Variants in GABRG3 observed in about 807,000 individuals in gnomAD.
GABRG3 encodes gamma-aminobutyric acid receptor subunit gamma-3.
A neutral mutation model predicts 48.8 loss-of-function variants in GABRG3; 25 were observed. The ratio of observed to expected loss-of-function variants is 0.51; its 90% CI spans 0.37 to 0.72. GABRG3 has a LOEUF of 0.72. Among genes scored for constraint, GABRG3 ranks in the 30% least tolerant of loss-of-function variants. The probability of loss-of-function intolerance (pLI) is 0.00; values close to 1 mark genes in which losing one functional copy is unlikely to be tolerated. For missense variants in GABRG3, 394 were observed against 577.9 expected (o/e 0.68, Z 3.26); for synonymous variants, 227 against 217.6 (o/e 1.04, Z -0.38).
In GABRG3 at chr15:27,005,272, C is replaced by T. The variant is rs557089464; in HGVS notation, c.203-21482C>T. On this transcript the variant is annotated intron_variant, in intron 2 of 9. Coordinates refer to ENST00000615808, the MANE Select transcript of GABRG3 (RefSeq NM_033223.5). ...CTGGAGTGCGGTGGTGCAATCTCGG[C>T]TCACTGCAACCTCCGCCTCCCGGGT... Among the ~76,000 whole-genome samples the T allele has an allele frequency of 5.3e-5, 8 of 152,080 alleles. No individual in the cohort carries two copies. The South Asian group carries it at 1.7e-3, about 32-fold the overall frequency.
chr15:27,110,382 T>A (rs1897526924), intron 3 of GABRG3, among the ~76,000 whole-genome samples: 1 of 152,272 alleles, frequency 6.6e-6, no homozygotes, highest in Admixed American at 6.5e-5. Context: ...TTACTGTTAT[T>A]GCTTCAAAGT....
intron 3 of GABRG3, among the ~76,000 whole-genome samples, chr15:27,114,501 T>C (rs560762729): frequency 3.9e-5 from 6 of 152,324 alleles, no homozygotes; most frequent in African/African-American, 1.4e-4. Context: ...CCATAACACA[T>C]GCATAACAGT....
intron 2 of GABRG3, among the ~76,000 whole-genome samples, chr15:26,992,461 T>C (rs1372413129): frequency 1.3e-5 from 2 of 152,204 alleles, no homozygotes; most frequent in Admixed American, 1.3e-4. Flanking sequence ...TATCAAATGC[T>C]TTTTCAGCAT....
intron 9 of GABRG3, chr15:27,530,783 C>G: frequency 2.2e-6 from 1 of 464,838 alleles, no homozygotes; most frequent in South Asian, 1.6e-5. Flanking sequence ...TCCGGTAGCT[C>G]CCAGTTCCAT....
chr15:27,381,718 A>G (rs1895783761), intron 5 of GABRG3, among the ~76,000 whole-genome samples: 1 of 152,208 alleles, frequency 6.6e-6, no homozygotes, highest in Non-Finnish European at 1.5e-5. Flanking sequence ...AGCTCCGTAT[A>G]TGCCAGGACT....
chr15:27,526,373 T>C (rs976195806), intron 7 of GABRG3, among the ~76,000 whole-genome samples: 2 of 152,224 alleles, frequency 1.3e-5, no homozygotes, highest in Non-Finnish European at 2.9e-5. Context: ...CTCTGACTAG[T>C]ACTGCGATGC....
At position 27,537,124 on chromosome 15, in the gene GABRG3, T is replaced by TGAA. The variant is rs1891564480; in HGVS notation, c.*4243_*4244insGAA. 2 of 115,786 alleles carry TGAA rather than the reference T, an allele frequency of 1.7e-5. No homozygotes were observed. Among genetic ancestry groups the TGAA allele is most frequent in the Admixed American group, 1.9e-4 (2 of 10,464 alleles). 7.2% of individuals were successfully genotyped at this position (115,786 alleles called of 1,614,324 possible). A position where few individuals can be genotyped will look rare whatever the true frequency, so the allele number is the denominator to read the frequency against. The stretch of plus-strand genomic sequence containing the variant: ...TAAGAAATTTCATCTGCAATTTCTG[T>TGAA]AAAAAAAAAAAAAAAAAAAAAGAAT... On this transcript the variant is annotated 3_prime_UTR_variant, in exon 10 of 10. Coordinates refer to ENST00000615808, the MANE Select transcript of GABRG3 (RefSeq NM_033223.5).
At chr15:27,200,036 C>T (rs1888629740) in intron 3 of GABRG3, among the ~76,000 whole-genome samples, 1 of 151,088 alleles carries the variant, frequency 6.6e-6, no homozygotes, top group Admixed American at 6.6e-5. Context: ...TTACTTTCTC[C>T]CTCCCTTTCT....
intron 3 of GABRG3, among the ~76,000 whole-genome samples, chr15:27,321,162 CCT>C (rs1188764044): frequency 3.9e-5 from 6 of 152,260 alleles, no homozygotes; most frequent in African/African-American, 1.4e-4. Context: ...GCCAACAGGG[CCT>C]CCTTGTCTGC....
intron 3 of GABRG3, among the ~76,000 whole-genome samples, chr15:27,056,513 T>C (rs1896550848): frequency 6.6e-6 from 1 of 152,140 alleles, no homozygotes; most frequent in Non-Finnish European, 1.5e-5. Context: ...AAAGTGATCA[T>C]GCAGTGCTGG....
intron 3 of GABRG3, among the ~76,000 whole-genome samples, chr15:27,308,584 A>G (rs558058492): frequency 1.4e-3 from 208 of 146,922 alleles, no homozygotes; most frequent in African/African-American, 4.6e-3. Context: ...ATGTAAACAT[A>G]CATTTATATA....
rs1266082622 is a variant in GABRG3 at position 26,975,030 on chromosome 15, T to A, written c.54-1972T>A. ...CCAGGACTACAGGCATGTGCCACCA[T>A]GCCCCGCTAATTTTTTTTGTATTTT... On this transcript the variant is annotated intron_variant, in intron 1 of 9. Coordinates refer to ENST00000615808, the MANE Select transcript of GABRG3 (RefSeq NM_033223.5). The surrounding 1 kb of genome is among the most constrained non-coding windows in gnomAD (Gnocchi z 4.6). 2.0e-5 allele frequency among the ~76,000 whole-genome samples: 3 copies of A among 151,780 alleles called. No homozygotes were observed. The highest frequency in any genetic ancestry group is 4.4e-5 in the Non-Finnish European group (3 of 67,948).
intron 5 of GABRG3, among the ~76,000 whole-genome samples, chr15:27,329,687 T>G (rs562073735): frequency 6.6e-5 from 10 of 152,382 alleles, no homozygotes; most frequent in African/African-American, 2.4e-4. Flanking sequence ...TTTCGTAGTA[T>G]TTTATCTTCC....
At chr15:27,147,404 A>G (rs1898228733) in intron 3 of GABRG3, among the ~76,000 whole-genome samples, 2 of 152,072 alleles carry the variant, frequency 1.3e-5, no homozygotes, top group Non-Finnish European at 2.9e-5. Flanking sequence ...AGTAAGAACA[A>G]GTAGACAGAA....
At chr15:27,253,397 G>A (rs371880302) in intron 3 of GABRG3, among the ~76,000 whole-genome samples, 60 of 152,248 alleles carry the variant, frequency 3.9e-4, no homozygotes, top group African/African-American at 1.3e-3. Flanking sequence ...CTGCCTTAGC[G>A]TGGAGGCTGC....
chr15:27,300,608 G>A (rs1299534618), intron 3 of GABRG3, among the ~76,000 whole-genome samples: 1 of 142,840 alleles, frequency 7.0e-6, no homozygotes, highest in East Asian at 2.1e-4. Flanking sequence ...AATGAGCCGA[G>A]ATCACGCCAT....
At chr15:27,480,882 C>T (rs753884665) in intron 6 of GABRG3, 95 bp downstream of exon 6, 8 of 1,494,172 alleles carry the variant, frequency 5.4e-6, no homozygotes, top group Non-Finnish European at 7.1e-6. Flanking sequence ...TTTTGGGCAA[C>T]CATGATACAT....
At chr15:27,271,526 T>A (rs1449096962) in intron 3 of GABRG3, 1 of 455,704 alleles carries the variant, frequency 2.2e-6, no homozygotes, top group Non-Finnish European at 4.4e-6. Flanking sequence ...GCCACGCCCT[T>A]TAGGAGATCT....
intron 5 of GABRG3, among the ~76,000 whole-genome samples, chr15:27,424,630 T>G (rs1404357718): frequency 6.6e-6 from 1 of 150,722 alleles, no homozygotes; most frequent in Non-Finnish European, 1.5e-5. Flanking sequence ...CTCAGCTCAC[T>G]GCAACCTCTA....
Sources: gnomAD v4.1 joint callset for allele counts (sites outside exome capture counted in the v4.1 genomes callset) on GRCh38, gnomAD v4.1.1 for gene constraint, Gnocchi (gnomAD v3.1) non-coding constraint, MANE v1.5 for transcripts, NCBI Gene and HGNC (gene_info 2026-07-23, HGNC 2026-07-21) for gene names.